Variants in THAP6 observed in about 807,000 individuals in gnomAD.
THAP6 encodes THAP domain-containing protein 6.
A neutral mutation model predicts 20.0 loss-of-function variants in THAP6; 13 were observed. That is an observed-to-expected ratio of 0.65 (90% CI 0.42 to 1.03). The LOEUF (loss-of-function observed/expected upper bound fraction) is 1.03. Among genes scored for constraint, THAP6 ranks in the 50% least tolerant of loss-of-function variants. The pLI is 0.00. For synonymous variants in THAP6, 93 were observed against 92.2 expected (o/e 1.01, Z -0.05); for missense variants, 262 against 261.6 (o/e 1.00, Z -0.01).
At position 75,528,788 on chromosome 4, in the gene THAP6, C is replaced by G. The variant is rs1440400403; in HGVS notation, c.*1574C>G. On this transcript the variant is annotated 3_prime_UTR_variant, in exon 5 of 5. Coordinates refer to ENST00000311638, the MANE Select transcript of THAP6 (RefSeq NM_144721.6). Reference sequence around the variant, plus strand: ...AAAAAAGGCCGGGTGGTGGCTCATACCTGTAATCCTAGCACTTTGGGAGGC... The same window carrying G: ...AAAAAAGGCCGGGTGGTGGCTCATAGCTGTAATCCTAGCACTTTGGGAGGC... The G allele has an allele frequency of 1.0e-6, 1 of 981,320 alleles. No individual in the cohort carries two copies. Among genetic ancestry groups the G allele is most frequent in the African/African-American group, 1.8e-5 (1 of 56,352 alleles). The allele number at this position is 981,320 out of a possible 1,614,324, so 60.8% of individuals were successfully genotyped here.
upstream of THAP6, chr4:75,514,268 C>T: frequency 6.2e-7 from 1 of 1,612,746 alleles, no homozygotes; most frequent in Non-Finnish European, 8.5e-7. Flanking sequence ...GCGCCATCTT[C>T]CCGGGCCGTC....
At chr4:75,518,037 T>C (rs1024679547) in intron 3 of THAP6, among the ~76,000 whole-genome samples, 1 of 152,208 alleles carries the variant, frequency 6.6e-6, no homozygotes, top group African/African-American at 2.4e-5. Context: ...CAGTTGGTCA[T>C]ATTGTAGAAC....
At chr4:75,531,054 G>T (rs1040819949), downstream of THAP6, among the ~76,000 whole-genome samples, 3 of 152,210 alleles carry the variant, frequency 2.0e-5, no homozygotes, top group Admixed American at 6.5e-5. Context: ...CCTTGGAAAG[G>T]CCTGCAAGGT....
At chr4:75,535,904 A>G (rs556792766) in intron 2 of THAP6, among the ~76,000 whole-genome samples, 9 of 152,248 alleles carry the variant, frequency 5.9e-5, no homozygotes, top group Non-Finnish European at 1.0e-4. Flanking sequence ...CATAACTGAC[A>G]AATTTCTCTG....
At chr4:75,544,981 G>C (rs1560554497) in intron 3 of THAP6, among the ~76,000 whole-genome samples, 2 of 152,202 alleles carry the variant, frequency 1.3e-5, no homozygotes. Flanking sequence ...TGGGTTCATA[G>C]CATGGCTCTG....
intron 2 of THAP6, among the ~76,000 whole-genome samples, chr4:75,535,041 C>G (rs1726811414): frequency 1.3e-5 from 2 of 152,172 alleles, no homozygotes. Flanking sequence ...ACCCAGCCAT[C>G]CCATTACTGG....
intron 3 of THAP6, chr4:75,517,430 C>T (rs891813112): frequency 2.6e-5 from 4 of 155,590 alleles, no homozygotes; most frequent in African/African-American, 9.6e-5. Context: ...TAGACTGCAT[C>T]TTCAACTTTT....
Position 75,529,975 on chromosome 4 carries a change from G to C in THAP6, c.*2761G>C, listed in dbSNP as rs1331454990. The C allele has an allele frequency of 1.0e-5, 9 of 881,822 alleles. No individual in the cohort carries two copies. The highest frequency in any genetic ancestry group is 1.2e-5 in the Non-Finnish European group (9 of 737,776). 54.6% of individuals were successfully genotyped at this position (881,822 alleles called of 1,614,324 possible). Reference sequence around the variant, plus strand: ...AAAATTATTACAGAAATAATTGAGAGAGAGAAAATCTATTATAATTTATTT... The same window carrying C: ...AAAATTATTACAGAAATAATTGAGACAGAGAAAATCTATTATAATTTATTT... On this transcript the variant is annotated 3_prime_UTR_variant, in exon 5 of 5. Transcript: ENST00000311638.
chr4:75,539,254 C>T (rs1236602060), intron 2 of THAP6, among the ~76,000 whole-genome samples: 1 of 152,184 alleles, frequency 6.6e-6, no homozygotes, highest in East Asian at 1.9e-4. Context: ...CAGCATCTTA[C>T]AGTTTAAGTG....
Position 75,529,367 on chromosome 4 carries a change from G to A in THAP6, c.*2153G>A. ...GTCTGCCACTATCAAAATTGCCACA[G>A]TCACTTTTACTACTTGTGTTCATAG... On this transcript the variant is annotated 3_prime_UTR_variant, in exon 5 of 5. Coordinates refer to ENST00000311638, the MANE Select transcript of THAP6 (RefSeq NM_144721.6). The A allele has an allele frequency of 1.0e-6, 1 of 985,354 alleles. No individual in the cohort carries two copies. The highest frequency in any genetic ancestry group is 1.2e-6 in the Non-Finnish European group (1 of 829,940). The allele number at this position is 985,354 out of a possible 1,614,324, so 61.0% of individuals were successfully genotyped here. A position where few individuals can be genotyped will look rare whatever the true frequency, so the allele number is the denominator to read the frequency against.
At position 75,529,855 on chromosome 4, in the gene THAP6, C is replaced by G. The variant is rs1484948854; in HGVS notation, c.*2641C>G. 3 of 985,030 alleles carry G rather than the reference C, an allele frequency of 3.0e-6. No homozygotes were observed. In the African/African-American group the frequency reaches 5.2e-5, roughly 17 times the overall value. The allele number at this position is 985,030 out of a possible 1,614,324, so 61.0% of individuals were successfully genotyped here. A position where few individuals can be genotyped will look rare whatever the true frequency, so the allele number is the denominator to read the frequency against. On this transcript the variant is annotated 3_prime_UTR_variant, in exon 5 of 5. Coordinates refer to ENST00000311638, the MANE Select transcript of THAP6 (RefSeq NM_144721.6). ...TCAAGTTTAAATTTCTGGAAATAGA[C>G]TTTGGTTGCTAATGACAATTACAGT... is the stretch of plus-strand genomic sequence containing the variant.
rs1364851869 is a variant in THAP6, at chr4:75,528,113, T to TA, written c.*901dup. ...TACAAAAGAAACCATTAGAAATTAA[T>TA]AACTGTGGCTCTTCCAGTTGAAATA... On this transcript the variant is annotated 3_prime_UTR_variant, in exon 5 of 5. Coordinates refer to ENST00000311638, the MANE Select transcript of THAP6 (RefSeq NM_144721.6). The TA allele has an allele frequency of 2.0e-6, 2 of 984,840 alleles. No homozygotes were observed. The highest frequency in any genetic ancestry group is 3.5e-5 in the African/African-American group (2 of 57,236). 61.0% of individuals were successfully genotyped at this position (984,840 alleles called of 1,614,324 possible).
At chr4:75,535,157 C>CT (rs1307392835) in intron 2 of THAP6, among the ~76,000 whole-genome samples, 1 of 152,246 alleles carries the variant, frequency 6.6e-6, no homozygotes, top group Non-Finnish European at 1.5e-5. Context: ...GACCCATTCA[C>CT]TATCATGAGA....
intron 3 of THAP6, among the ~76,000 whole-genome samples, chr4:75,520,015 G>T (rs546392165): frequency 0.014 from 2,120 of 151,660 alleles, 36 homozygotes; most frequent in African/African-American, 0.048. Context: ...TTTAATGATT[G>T]CCATTCTAAC....
chr4:75,516,839 G>A lies in THAP6; in HGVS notation c.148G>A (p.Ala50Thr). ...AATGAAAAGACTTGATGTGAATGCAGCCGGCATTTGGGAGCCTAAAAAAGG... is the reference window on the plus strand; with the variant it reads ...AATGAAAAGACTTGATGTGAATGCAACCGGCATTTGGGAGCCTAAAAAAGG... Reference protein sequence around the residue: ...LAMKRLDVNAAGIWEPKKGDV... With the variant: ...LAMKRLDVNATGIWEPKKGDV... Residue 50 changes from alanine (A) to threonine (T), a missense_variant, in exon 3 of 5, where the codon GCC becomes ACC. Coordinates refer to ENST00000311638, the MANE Select transcript of THAP6 (RefSeq NM_144721.6). The A allele has an allele frequency of 1.9e-6, 3 of 1,614,090 alleles. No homozygotes were observed. The highest frequency in any genetic ancestry group is 2.5e-6 in the Non-Finnish European group (3 of 1,180,016).
chr4:75,519,851 G>A (rs982742688), intron 3 of THAP6, among the ~76,000 whole-genome samples: 2 of 151,642 alleles, frequency 1.3e-5, no homozygotes, highest in African/African-American at 2.4e-5. Context: ...CCCAGTAATG[G>A]GATGGCTGGG....
chr4:75,520,990 T>G (rs1466132136), intron 3 of THAP6, among the ~76,000 whole-genome samples: 2 of 152,132 alleles, frequency 1.3e-5, no homozygotes, highest in Non-Finnish European at 2.9e-5. Context: ...TATGCTGTTT[T>G]GTAAAAACAC....
chr4:75,544,130 A>G (rs567936775), intron 3 of THAP6, among the ~76,000 whole-genome samples: 22 of 152,304 alleles, frequency 1.4e-4, no homozygotes, highest in Middle Eastern at 3.4e-3. Flanking sequence ...AGTAGAGAGT[A>G]TAATATACTC....
chr4:75,514,104 C>T (rs542789920), upstream of THAP6: 174 of 1,531,916 alleles, frequency 1.1e-4, 3 homozygotes, highest in East Asian at 3.7e-3. Flanking sequence ...TCAGGTTAAC[C>T]TCAAACTTAA....
Sources: allele counts gnomAD v4.1 joint callset (sites outside exome capture counted in the v4.1 genomes callset), GRCh38; gene constraint gnomAD v4.1.1; transcripts MANE v1.5; gene names NCBI Gene and HGNC (gene_info 2026-07-23, HGNC 2026-07-21).